TXN2: variants seen among roughly 807,000 people sequenced by gnomAD.
TXN2 encodes the protein thioredoxin 2.
In TXN2, 12 loss-of-function variants were observed where a neutral mutation model predicts 14.6. That is an observed-to-expected ratio of 0.82 (90% CI 0.53 to 1.33). The LOEUF is 1.33. Ranked by LOEUF, TXN2 falls within the 40% of genes most tolerant of loss-of-function variation. The pLI, the probability that TXN2 is intolerant of heterozygous loss-of-function variation, is 0.00. For missense variants in TXN2, 173 were observed against 207.7 expected, an observed-to-expected ratio of 0.83 and a Z score of 1.03; for synonymous variants, 89 against 81.0, an observed-to-expected ratio of 1.10 and a Z score of -0.53.
At chr22:36,480,499 C>T in intron 2 of TXN2, 76 bp downstream of exon 2, 2 of 1,555,018 alleles carry the variant, frequency 1.3e-6, no homozygotes, top group South Asian at 2.5e-5. Flanking sequence ...TAGAACATGG[C>T]CGTGGGACAC....
chr22:36,474,513 G>T (rs143505132), intron 3 of TXN2, among the ~76,000 whole-genome samples: 1 of 152,090 alleles, frequency 6.6e-6, no homozygotes, highest in African/African-American at 2.4e-5. Flanking sequence ...GGAATAAAGC[G>T]GCCTCTTTCA....
At chr22:36,470,561 A>G (rs1933252003) in intron 3 of TXN2, among the ~76,000 whole-genome samples, 1 of 115,808 alleles carries the variant, frequency 8.6e-6, no homozygotes, top group Non-Finnish European at 1.8e-5. Context: ...GCCACTGTAT[A>G]AGAAGTGGCC....
At chr22:36,477,650 G>A (rs1933413489) in intron 2 of TXN2, among the ~76,000 whole-genome samples, 1 of 152,184 alleles carries the variant, frequency 6.6e-6, no homozygotes, top group South Asian at 2.1e-4. Context: ...ACTAAAAGGA[G>A]GGGAACCAAT....
intron 3 of TXN2, among the ~76,000 whole-genome samples, chr22:36,474,448 GT>G (rs1185903942): frequency 3.9e-5 from 6 of 152,178 alleles, no homozygotes; most frequent in Non-Finnish European, 8.8e-5. Context: ...TCAGGGATGG[GT>G]GCCTCTATTT....
At position 36,467,761 on chromosome 22, in the gene TXN2, G is replaced by T; in HGVS notation, c.*43C>A. On this transcript the variant is annotated 3_prime_UTR_variant, in exon 4 of 4. Transcript: ENST00000216185. ...TGGCATGGAAGGGCTGAGTTCTATT[G>T]GGGTCCCACGCGGGCAAGGGAACCA... 1 of 1,515,996 alleles carries T rather than the reference G, an allele frequency of 6.6e-7. No individual in the cohort carries two copies. Among genetic ancestry groups the T allele is most frequent in the Non-Finnish European group, 9.2e-7 (1 of 1,092,392 alleles). 93.9% of individuals were successfully genotyped at this position (1,515,996 alleles called of 1,614,324 possible).
At chr22:36,473,582 GGGGGTCAGGA>G (rs1933326230) in intron 3 of TXN2, among the ~76,000 whole-genome samples, 2 of 152,300 alleles carry the variant, frequency 1.3e-5, no homozygotes, top group South Asian at 4.1e-4. Context: ...GAGAGAGGGA[GGGGGTCAGGA>G]AGAACCCTGG....
At position 36,474,247 on chromosome 22, in the gene TXN2, C is replaced by G. The variant is rs373236300; in HGVS notation, c.387+2486G>C. On this transcript the variant is annotated intron_variant, in intron 3 of 3. Coordinates refer to ENST00000216185, the MANE Select transcript of TXN2 (RefSeq NM_012473.4). ...AGCCCTCAGTTCCTAACTCCCAAAG[C>G]AGGCCTGCTCCAGTGGTCACCTGTA... Among the ~76,000 whole-genome samples the G allele has an allele frequency of 2.0e-5, 3 of 152,340 alleles. No individual in the cohort carries two copies. The East Asian group carries it at 5.8e-4, about 29-fold the overall frequency.
At chr22:36,470,804 A>G (rs1933257110) in intron 3 of TXN2, among the ~76,000 whole-genome samples, 1 of 151,106 alleles carries the variant, frequency 6.6e-6, no homozygotes, top group Non-Finnish European at 1.5e-5. Flanking sequence ...AAAGAACTCC[A>G]GATGAAGGCC....
intron 3 of TXN2, among the ~76,000 whole-genome samples, chr22:36,470,202 C>T (rs559374426): frequency 2.0e-5 from 3 of 152,314 alleles, no homozygotes; most frequent in East Asian, 1.9e-4. Flanking sequence ...ACTAACTTTA[C>T]GTGGCAGGCC....
intron 3 of TXN2, 65 bp from the exon 4 acceptor site, chr22:36,467,982 GAGCCTTTGTGGGGA>G: frequency 7.1e-7 from 1 of 1,411,626 alleles, no homozygotes. Context: ...TGCCACTCCT[GAGCCTTTGTGGGGA>G]AGGCTGGTGG....
At position 36,467,705 on chromosome 22, in the gene TXN2, A is replaced by G. The variant is rs1933189490; in HGVS notation, c.*99T>C. The G allele has an allele frequency of 8.5e-6, 9 of 1,053,264 alleles. 1 individual carries two copies. The South Asian group carries it at 1.2e-4, about 14-fold the overall frequency. 65.2% of individuals were successfully genotyped at this position (1,053,264 alleles called of 1,614,324 possible). A position where few individuals can be genotyped will look rare whatever the true frequency, so the allele number is the denominator to read the frequency against. On this transcript the variant is annotated 3_prime_UTR_variant, in exon 4 of 4. Coordinates refer to ENST00000216185, the MANE Select transcript of TXN2 (RefSeq NM_012473.4). ...CTGGGCTCTAAGCATGGGCCCCAGGAGCCAGACAGGAGGGAGGCAGCAGGA... is the reference window on the plus strand; with the variant it reads ...CTGGGCTCTAAGCATGGGCCCCAGGGGCCAGACAGGAGGGAGGCAGCAGGA...
chr22:36,480,511 G>T, intron 2 of TXN2, 64 bp downstream of exon 2: 1 of 1,569,758 alleles, frequency 6.4e-7, no homozygotes, highest in Non-Finnish European at 8.6e-7. Flanking sequence ...GTGGGACACA[G>T]CAGGCATTCA....
chr22:36,472,119 T>C (rs1933291596), intron 3 of TXN2, among the ~76,000 whole-genome samples: 1 of 152,188 alleles, frequency 6.6e-6, no homozygotes, highest in Non-Finnish European at 1.5e-5. Flanking sequence ...GGGGACGCAT[T>C]AAAGGATTTC....
chr22:36,474,049 CGCGTGA>C (rs1933337739), intron 3 of TXN2, among the ~76,000 whole-genome samples: 1 of 152,198 alleles, frequency 6.6e-6, no homozygotes, highest in Non-Finnish European at 1.5e-5. Context: ...CTGAAGCCCA[CGCGTGA>C]CCTGTGGGAG....
chr22:36,469,608 T>A (rs1309806063), intron 3 of TXN2, among the ~76,000 whole-genome samples: 1 of 152,196 alleles, frequency 6.6e-6, no homozygotes, highest in Non-Finnish European at 1.5e-5. Context: ...GTGAGGTCTC[T>A]GCTGCCTGGG....
In TXN2 at chr22:36,467,825, G is replaced by A. The variant is rs754825420; in HGVS notation, c.480C>T (p.Phe160=). The change falls in exon 4 of 4, where the codon TTC becomes TTT. Residue 160 remains phenylalanine, a synonymous_variant. Coordinates refer to ENST00000216185, the MANE Select transcript of TXN2 (RefSeq NM_012473.4). ...CTTGTCAGCCAATCAGCTTCTTCAG[G>A]AAGGCCTCCAACTGATCCTCATCCT... ...GIKDEDQLEA[F]LKKLIG 10 of 1,613,982 alleles carry A rather than the reference G, an allele frequency of 6.2e-6. No individual in the cohort carries two copies. The Admixed American group carries it at 1.0e-4, about 16-fold the overall frequency.
At chr22:36,477,218 C>CT (rs1352487935) in intron 2 of TXN2, among the ~76,000 whole-genome samples, 1 of 151,730 alleles carries the variant, frequency 6.6e-6, no homozygotes, top group Non-Finnish European at 1.5e-5. Context: ...TCCTTTTTTT[C>CT]TTTTTTTGAG....
At chr22:36,476,457 T>G (rs1203197320) in intron 3 of TXN2, among the ~76,000 whole-genome samples, 1 of 151,968 alleles carries the variant, frequency 6.6e-6, no homozygotes, top group Non-Finnish European at 1.5e-5. Flanking sequence ...CTGGGCGTGG[T>G]GGTGTGCGCC....
In TXN2 at chr22:36,467,893, C is replaced by T; in HGVS notation, c.412G>A (p.Ala138Thr). 1 of 1,614,198 alleles carries T rather than the reference C, an allele frequency of 6.2e-7. No individual in the cohort carries two copies. The highest frequency in any genetic ancestry group is 8.5e-7 in the Non-Finnish European group (1 of 1,180,020). ...TCCACCACGTCCCCATTCTTCATGG[C>T]CAGCACAGTGGGCACCGCTGACACC... ...YEVSAVPTVL[A>T]MKNGDVVDKF... Residue 138 changes from alanine to threonine, a missense_variant, in exon 4 of 4, where the codon GCC (alanine) becomes ACC (threonine). Ala to Thr is a moderately conservative substitution (Grantham distance 58, BLOSUM62 0). Transcript: ENST00000216185.
Sources: gnomAD v4.1 joint callset for allele counts (sites outside exome capture counted in the v4.1 genomes callset) on GRCh38, gnomAD v4.1.1 for gene constraint, MANE v1.5 for transcripts, NCBI Gene and HGNC (gene_info 2026-07-23, HGNC 2026-07-21) for gene names.